The following TCN1 variants were observed in gnomAD, a reference collection of about 807,000 sequenced individuals.
The protein encoded by TCN1 is transcobalamin-1.
A neutral mutation model predicts 46.3 loss-of-function variants in TCN1; 47 were observed. The observed-to-expected ratio is 1.01, with a 90% CI of 0.80 to 1.29. The LOEUF is 1.29. Ranked by LOEUF, TCN1 falls within the 50% of genes most tolerant of loss-of-function variation. The pLI, the probability that TCN1 is intolerant of heterozygous loss-of-function variation, is 0.00. For missense variants in TCN1, 532 were observed against 511.0 expected, an observed-to-expected ratio of 1.04 and a Z score of -0.40; for synonymous variants, 183 against 192.5, an observed-to-expected ratio of 0.95 and a Z score of 0.41.
At chr11:59,856,085 G>GGGGGGGGGGGGGCC in intron 5 of TCN1, 27 bp from the exon 6 acceptor site, 2 of 585,328 alleles carry the variant, frequency 3.4e-6, no homozygotes, top group Non-Finnish European at 6.4e-6. Context: ...GGGTGGGGGG[G>GGGGGGGGGGGGGCC]TGATGAGAGA....
chr11:59,864,554 G>A (rs141930462), intron 1 of TCN1, among the ~76,000 whole-genome samples: 2 of 152,058 alleles, frequency 1.3e-5, no homozygotes, highest in African/African-American at 4.8e-5. Context: ...AGAAAATGCA[G>A]GTAATAATTC....
chr11:59,857,480 C>T (rs981517026), intron 5 of TCN1, among the ~76,000 whole-genome samples: 14 of 152,150 alleles, frequency 9.2e-5, no homozygotes, highest in African/African-American at 3.4e-4. Context: ...CACCTCCAGC[C>T]TCCTGTTATG....
intron 4 of TCN1, among the ~76,000 whole-genome samples, chr11:59,860,670 T>A (rs868190844): frequency 1.3e-5 from 2 of 152,166 alleles, no homozygotes; most frequent in African/African-American, 4.8e-5. Flanking sequence ...TTAGACTGAT[T>A]AGAAAATAGT....
Position 59,859,279 on chromosome 11 carries a change from C to A in TCN1, c.557-12G>T, listed in dbSNP as rs1441030368. The A allele has an allele frequency of 1.2e-6, 2 of 1,612,560 alleles. No individual in the cohort carries two copies. The highest frequency in any genetic ancestry group is 2.7e-5 in the African/African-American group (2 of 74,908). On this transcript the variant is annotated splice_polypyrimidine_tract_variant and intron_variant, in intron 4 of 8. Coordinates refer to ENST00000257264, the MANE Select transcript of TCN1 (RefSeq NM_001062.4). ...CATTGCACCAGTATCTGTCAGGAAA[C>A]AAAACATTGTTGATAGGCGACCAAC...
Position 59,861,526 on chromosome 11 carries a change from C to T in TCN1, c.556+1G>A. 6.2e-7 allele frequency: 1 copy of T among 1,613,994 alleles called. No individual in the cohort carries two copies. Among genetic ancestry groups the T allele is most frequent in the Non-Finnish European group, 8.5e-7 (1 of 1,179,914 alleles). On this transcript the variant is annotated splice_donor_variant, in intron 4 of 8. Coordinates refer to ENST00000257264, the MANE Select transcript of TCN1 (RefSeq NM_001062.4). LOFTEE classifies it high-confidence loss of function. ...CAAGGGAATTGGGCTTAGTAACTCACCTACTGAGAACTGGCTACCAAAATA... is the reference window on the plus strand; with the variant it reads ...CAAGGGAATTGGGCTTAGTAACTCATCTACTGAGAACTGGCTACCAAAATA...
intron 5 of TCN1, among the ~76,000 whole-genome samples, chr11:59,857,417 C>T (rs1852956100): frequency 6.6e-6 from 1 of 152,190 alleles, no homozygotes; most frequent in Admixed American, 6.5e-5. Context: ...CAATCAACAA[C>T]ATAAATAGTA....
chr11:59,853,446 G>A, intron 7 of TCN1, 125 bp from the exon 8 acceptor site: 2 of 907,072 alleles, frequency 2.2e-6, no homozygotes, highest in South Asian at 1.3e-5. Flanking sequence ...CAGATTTCCT[G>A]GCCCTATCCA....
intron 7 of TCN1, 28 bp downstream of exon 7, chr11:59,854,624 C>T: frequency 6.2e-7 from 1 of 1,609,356 alleles, no homozygotes; most frequent in Non-Finnish European, 8.5e-7. Flanking sequence ...CAGCAAACAT[C>T]TTAACCTTAG....
chr11:59,856,171 A>G, intron 5 of TCN1, 113 bp from the exon 6 acceptor site: 1 of 812,586 alleles, frequency 1.2e-6, no homozygotes, highest in Non-Finnish European at 2.0e-6. Flanking sequence ...TATGTAACTA[A>G]TTCAGTATTA....
At position 59,862,852 on chromosome 11, in the gene TCN1, A is replaced by G; in HGVS notation, c.260-130T>C. ...CGCTCTATACAGTCTTGTGTCGCTT[A>G]ATGATAGGGATAAATTCTGAGAAAC... On this transcript the variant is annotated intron_variant, in intron 2 of 8. Coordinates refer to ENST00000257264, the MANE Select transcript of TCN1 (RefSeq NM_001062.4). The G allele has an allele frequency of 5.0e-6, 5 of 1,003,214 alleles. No individual in the cohort carries two copies. The South Asian group carries it at 6.9e-5, about 14-fold the overall frequency. 62.1% of individuals were successfully genotyped at this position (1,003,214 alleles called of 1,614,324 possible). A position where few individuals can be genotyped will look rare whatever the true frequency, so the allele number is the denominator to read the frequency against.
intron 7 of TCN1, among the ~76,000 whole-genome samples, chr11:59,854,306 G>A (rs910618551): frequency 6.6e-6 from 1 of 151,374 alleles, no homozygotes; most frequent in Non-Finnish European, 1.5e-5. Context: ...ACATTCACTT[G>A]ATTTTCAAAG....
At chr11:59,861,304 G>A (rs1405143301) in intron 4 of TCN1, among the ~76,000 whole-genome samples, 2 of 152,194 alleles carry the variant, frequency 1.3e-5, no homozygotes, top group Non-Finnish European at 2.9e-5. Flanking sequence ...CCAAAGAAGA[G>A]CTGGAGCAGA....
intron 1 of TCN1, among the ~76,000 whole-genome samples, chr11:59,864,445 C>A (rs530592905): frequency 6.6e-6 from 1 of 152,274 alleles, no homozygotes; most frequent in African/African-American, 2.4e-5. Flanking sequence ...TGAGCTGAAA[C>A]TAGACTACAT....
In TCN1 at chr11:59,854,826, T is replaced by C. The variant is rs1355695782; in HGVS notation, c.947A>G (p.Asn316Ser). ...SSCVSASGNF[N>S]ISADEPITVT... is the part of the protein sequence containing the mutation. ...AGTTATAGGCTCATCAGCGGAGATG[T>C]TGAAGTTACCTGGCAGAGACAGAAA... Residue 316 changes from asparagine to serine, a missense_variant, in exon 7 of 9, where the codon AAC (asparagine) becomes AGC (serine). Transcript: ENST00000257264. 1.2e-6 allele frequency: 2 copies of C among 1,613,802 alleles called. No individual in the cohort carries two copies. The highest frequency in any genetic ancestry group is 1.7e-6 in the Non-Finnish European group (2 of 1,179,870).
chr11:59,855,122 T>G (rs1244750802), intron 6 of TCN1, among the ~76,000 whole-genome samples: 1 of 152,174 alleles, frequency 6.6e-6, no homozygotes, highest in African/African-American at 2.4e-5. Context: ...CCTGATTTTT[T>G]TTTTCTTTTT....
intron 2 of TCN1, 60 bp from the exon 3 acceptor site, chr11:59,862,782 G>C: frequency 6.3e-7 from 1 of 1,596,122 alleles, no homozygotes; most frequent in Non-Finnish European, 8.6e-7. Context: ...TGGGCCTCCT[G>C]ATTTCCTTGA....
At chr11:59,864,117 A>G (rs1389658706) in intron 1 of TCN1, 31 bp from the exon 2 acceptor site, 1 of 1,608,510 alleles carries the variant, frequency 6.2e-7, no homozygotes, top group Admixed American at 1.7e-5. Flanking sequence ...AATAAGAAAC[A>G]CATACTCAGA....
chr11:59,853,371 A>G (rs780494951), intron 7 of TCN1, 50 bp from the exon 8 acceptor site: 12 of 1,512,112 alleles, frequency 7.9e-6, no homozygotes, highest in Non-Finnish European at 1.0e-5. Context: ...GTCAAAGGAA[A>G]CCAACAATAG....
chr11:59,853,039 G>A lies in TCN1; in HGVS notation c.1241-3C>T. On this transcript the variant is annotated splice_polypyrimidine_tract_variant and splice_region_variant and intron_variant, in intron 8 of 8. Coordinates refer to ENST00000257264, the MANE Select transcript of TCN1 (RefSeq NM_001062.4). Reference sequence around the variant, plus strand: ...GCGGACAACGTAACTACCAGCTCCTGAAAAGGAAGAAGAAAGAGAACTGGG... The same window carrying A: ...GCGGACAACGTAACTACCAGCTCCTAAAAAGGAAGAAGAAAGAGAACTGGG... 3 of 1,614,122 alleles carry A rather than the reference G, an allele frequency of 1.9e-6. No individual in the cohort carries two copies. Among genetic ancestry groups the A allele is most frequent in the Non-Finnish European group, 2.5e-6 (3 of 1,179,984 alleles).
Sources: gnomAD v4.1 joint callset for allele counts (sites outside exome capture counted in the v4.1 genomes callset) on GRCh38, gnomAD v4.1.1 for gene constraint, MANE v1.5 for transcripts, NCBI Gene and HGNC (gene_info 2026-07-23, HGNC 2026-07-21) for gene names.